The following RALYL variants were observed in gnomAD, a reference collection of about 807,000 sequenced individuals.
RALYL encodes the protein RNA-binding Raly-like protein.
A neutral mutation model predicts 35.1 loss-of-function variants in RALYL; 29 were observed. The observed-to-expected ratio is 0.83, with a 90% confidence interval of 0.61 to 1.13. The LOEUF (loss-of-function observed/expected upper bound fraction) is 1.13. Ranked by LOEUF, RALYL falls within the 50% of genes most tolerant of loss-of-function variation. The probability of loss-of-function intolerance (pLI) is 0.00; values close to 1 mark genes in which losing one functional copy is unlikely to be tolerated. For synonymous variants in RALYL, 120 were observed against 127.6 expected (o/e 0.94, Z 0.40); for missense variants, 359 against 360.4 (o/e 1.00, Z 0.03).
At chr8:84,275,928 A>C (rs540992720) in intron 1 of RALYL, among the ~76,000 whole-genome samples, 1 of 152,226 alleles carries the variant, frequency 6.6e-6, no homozygotes, top group African/African-American at 2.4e-5. Flanking sequence ...TAATGCAAAA[A>C]TTAAATTTAC....
Position 84,289,025 on chromosome 8 carries a change from G to A in RALYL, c.-24+104601G>A, listed in dbSNP as rs532418526. On this transcript the variant is annotated intron_variant, in intron 1 of 8. Transcript: ENST00000521268. ...AGGGTGGGAAGACTTTTAAGCGCTG[G>A]GGTGAGCTGGAGACCAGAGGCCATC... Among the ~76,000 whole-genome samples the A allele has an allele frequency of 2.6e-5, 4 of 152,202 alleles. No individual in the cohort carries two copies. In the South Asian group the frequency reaches 8.3e-4, roughly 32 times the overall value.
In RALYL at chr8:84,921,785, CA is replaced by C. The variant is rs1849335562; in HGVS notation, c.*875del. ...GTGGAAATGGAAGAAACCATCTTCA[CA>C]GACCGTAGGAGAATTCAACATATAA... On this transcript the variant is annotated 3_prime_UTR_variant, in exon 9 of 9. Transcript: ENST00000521268. The C allele has an allele frequency of 1.3e-5, 2 of 152,194 alleles. No individual in the cohort carries two copies. Among genetic ancestry groups the C allele is most frequent in the African/African-American group, 4.8e-5 (2 of 41,454 alleles). 9.4% of individuals were successfully genotyped at this position (152,194 alleles called of 1,614,324 possible).
intron 1 of RALYL, among the ~76,000 whole-genome samples, chr8:84,415,189 C>T (rs1247404633): frequency 7.0e-5 from 9 of 129,440 alleles, no homozygotes; most frequent in South Asian, 2.5e-4. Context: ...GGAAGTTATT[C>T]TACTTGCAGA....
chr8:84,545,707 C>G (rs909556466), intron 2 of RALYL, among the ~76,000 whole-genome samples: 1 of 151,990 alleles, frequency 6.6e-6, no homozygotes, highest in Non-Finnish European at 1.5e-5. Flanking sequence ...CACATTATAT[C>G]TTTTTTTCTT....
At chr8:84,248,107 G>A (rs1419898989) in intron 1 of RALYL, among the ~76,000 whole-genome samples, 2 of 152,008 alleles carry the variant, frequency 1.3e-5, no homozygotes, top group Admixed American at 1.3e-4. Flanking sequence ...ATTTGCTTAG[G>A]GGAGGGCTTT....
chr8:84,780,533 A>G (rs930983181), intron 3 of RALYL, among the ~76,000 whole-genome samples: 1 of 152,240 alleles, frequency 6.6e-6, no homozygotes, highest in African/African-American at 2.4e-5. Context: ...CTTTTGTTCT[A>G]GAAAAGGGGT....
At chr8:84,786,900 A>C (rs1245487743) in intron 3 of RALYL, among the ~76,000 whole-genome samples, 1 of 152,202 alleles carries the variant, frequency 6.6e-6, no homozygotes, top group Non-Finnish European at 1.5e-5. Flanking sequence ...TTATATAAAC[A>C]TCATGACCAA....
At chr8:84,298,560 A>T (rs1386107599) in intron 1 of RALYL, among the ~76,000 whole-genome samples, 1 of 152,120 alleles carries the variant, frequency 6.6e-6, no homozygotes, top group Non-Finnish European at 1.5e-5. Context: ...TCTCACATGC[A>T]TTTTAGAATA....
chr8:84,812,832 C>A (rs917495200), intron 4 of RALYL, among the ~76,000 whole-genome samples: 1 of 152,172 alleles, frequency 6.6e-6, no homozygotes, highest in African/African-American at 2.4e-5. Flanking sequence ...TTGCCCCAGG[C>A]TACCTGTCTC....
intron 3 of RALYL, among the ~76,000 whole-genome samples, chr8:84,793,699 G>A (rs1821307543): frequency 6.6e-6 from 1 of 152,168 alleles, no homozygotes. Flanking sequence ...CCAGGTAGGT[G>A]ACTGGTATCA....
intron 1 of RALYL, among the ~76,000 whole-genome samples, chr8:84,411,856 C>T (rs2044135391): frequency 6.6e-6 from 1 of 152,006 alleles, no homozygotes; most frequent in Non-Finnish European, 1.5e-5. Context: ...AGGGGCCAGA[C>T]TTCCTAGGCT....
At chr8:84,384,065 CA>C (rs897443294) in intron 1 of RALYL, among the ~76,000 whole-genome samples, 1 of 151,658 alleles carries the variant, frequency 6.6e-6, no homozygotes, top group Non-Finnish European at 1.5e-5. Context: ...CTACTTTTTC[CA>C]GGAAATTTTC....
intron 1 of RALYL, among the ~76,000 whole-genome samples, chr8:84,508,473 GTTA>G (rs2057354178): frequency 1.3e-5 from 2 of 152,020 alleles, no homozygotes; most frequent in Admixed American, 6.6e-5. Context: ...ACTTCACGAG[GTTA>G]TTATTAGAAT....
At chr8:84,654,438 A>G (rs1429296485) in intron 2 of RALYL, among the ~76,000 whole-genome samples, 1 of 151,420 alleles carries the variant, frequency 6.6e-6, no homozygotes, top group Non-Finnish European at 1.5e-5. Flanking sequence ...TGTATTACAA[A>G]CAATCCAATT....
chr8:84,829,101 G>A (rs1830337696), intron 4 of RALYL: 1 of 152,432 alleles, frequency 6.6e-6, no homozygotes, highest in Non-Finnish European at 1.5e-5. Context: ...CATGGCAGAA[G>A]GTGAAGGAGG....
intron 2 of RALYL, among the ~76,000 whole-genome samples, chr8:84,695,627 A>T (rs1293388698): frequency 6.6e-6 from 1 of 151,826 alleles, no homozygotes; most frequent in Admixed American, 6.6e-5. Flanking sequence ...TGTATCTTGG[A>T]CAAGTATATA....
chr8:84,655,502 T>C (rs2131588265), intron 2 of RALYL, among the ~76,000 whole-genome samples: 1 of 152,230 alleles, frequency 6.6e-6, no homozygotes, highest in Middle Eastern at 3.4e-3. Context: ...CTAATTGTTG[T>C]ATTTTTAGTA....
At chr8:84,912,282 A>T (rs1322431889) in intron 8 of RALYL, among the ~76,000 whole-genome samples, 1 of 152,092 alleles carries the variant, frequency 6.6e-6, no homozygotes, top group Non-Finnish European at 1.5e-5. Context: ...ATAATGAAAG[A>T]TGCTCCTATC....
intron 4 of RALYL, among the ~76,000 whole-genome samples, chr8:84,847,258 T>A (rs1834860494): frequency 6.6e-6 from 1 of 152,172 alleles, no homozygotes; most frequent in African/African-American, 2.4e-5. Flanking sequence ...ATAGCTAGGA[T>A]CCCAGAGGTC....
Sources: gnomAD v4.1 joint callset for allele counts (sites outside exome capture counted in the v4.1 genomes callset) on GRCh38, gnomAD v4.1.1 for gene constraint, MANE v1.5 for transcripts, NCBI Gene and HGNC (gene_info 2026-07-23, HGNC 2026-07-21) for gene names.